ZNF277: variants seen among roughly 807,000 people sequenced by gnomAD.
ZNF277 encodes zinc finger protein 277, also known as nuclear receptor-interacting factor 4.
A neutral mutation model predicts 60.7 loss-of-function variants in ZNF277; 55 were observed. That is an observed-to-expected ratio of 0.91 (90% CI 0.73 to 1.13). ZNF277 has a LOEUF of 1.13. ZNF277 is among the 50% of genes most tolerant of loss of function. ZNF277 has a pLI of 0.00. For missense variants in ZNF277, 510 were observed against 523.0 expected (o/e 0.98, Z 0.24); for synonymous variants, 178 against 179.3 (o/e 0.99, Z 0.06).
intron 2 of ZNF277, chr7:112,288,708 T>TC (rs1792128277): frequency 6.3e-6 from 1 of 158,438 alleles, no homozygotes; most frequent in Non-Finnish European, 1.5e-5. Flanking sequence ...TAAGTGGCTG[T>TC]CCCCTTCCTC....
intron 1 of ZNF277, among the ~76,000 whole-genome samples, chr7:112,253,593 A>G (rs1405973738): frequency 6.6e-6 from 1 of 152,028 alleles, no homozygotes; most frequent in African/African-American, 2.4e-5. Flanking sequence ...TCTGTCCCCC[A>G]TATCCAGTTG....
chr7:112,250,623 G>A (rs1791183603), intron 1 of ZNF277, among the ~76,000 whole-genome samples: 2 of 152,066 alleles, frequency 1.3e-5, no homozygotes, highest in Non-Finnish European at 2.9e-5. Flanking sequence ...GCTGGCCAAC[G>A]CTTCAGGAAA....
At chr7:112,251,306 G>T (rs1791195348) in intron 1 of ZNF277, among the ~76,000 whole-genome samples, 1 of 152,166 alleles carries the variant, frequency 6.6e-6, no homozygotes, top group African/African-American at 2.4e-5. Context: ...GGCACAGATG[G>T]CACACTGAAG....
intron 6 of ZNF277, among the ~76,000 whole-genome samples, chr7:112,328,826 C>T (rs1030555742): frequency 6.6e-6 from 1 of 152,090 alleles, no homozygotes; most frequent in East Asian, 1.9e-4. Flanking sequence ...GCAGAGATTG[C>T]ACCATTGCAC....
chr7:112,296,494 C>T (rs544425225), intron 4 of ZNF277, among the ~76,000 whole-genome samples, 183 bp downstream of exon 4: 2 of 151,082 alleles, frequency 1.3e-5, no homozygotes, highest in African/African-American at 4.9e-5. Flanking sequence ...AAAATTAAAG[C>T]GTTTTATGTT....
intron 4 of ZNF277, among the ~76,000 whole-genome samples, chr7:112,310,816 C>G (rs1792714109): frequency 6.6e-6 from 1 of 152,046 alleles, no homozygotes; most frequent in African/African-American, 2.4e-5. Flanking sequence ...TTCTGCCATG[C>G]TGCTGCCTTT....
chr7:112,294,103 G>A (rs1792272116), intron 2 of ZNF277, among the ~76,000 whole-genome samples: 1 of 152,204 alleles, frequency 6.6e-6, no homozygotes, highest in South Asian at 2.1e-4. Context: ...AATAGAAAAT[G>A]TGCTTGGGGG....
intron 5 of ZNF277, among the ~76,000 whole-genome samples, chr7:112,326,915 T>A (rs1261846781): frequency 4.6e-5 from 7 of 152,226 alleles, no homozygotes; most frequent in Admixed American, 4.6e-4. Context: ...ATATGCTTTT[T>A]TGCTATGTAA....
At chr7:112,307,430 G>GT (rs764724842) in intron 4 of ZNF277, among the ~76,000 whole-genome samples, 49 of 151,420 alleles carry the variant, frequency 3.2e-4, no homozygotes, top group Non-Finnish European at 5.8e-4. Context: ...TTTTTTGTTT[G>GT]TTTTTGAGAC....
chr7:112,326,836 C>T (rs1308295595), intron 5 of ZNF277, among the ~76,000 whole-genome samples: 1 of 152,128 alleles, frequency 6.6e-6, no homozygotes, highest in Non-Finnish European at 1.5e-5. Flanking sequence ...TGATGAGGCT[C>T]TCCAAAACAA....
chr7:112,280,611 T>C (rs970750923), intron 1 of ZNF277, among the ~76,000 whole-genome samples: 4 of 151,896 alleles, frequency 2.6e-5, no homozygotes, highest in Admixed American at 2.6e-4. Flanking sequence ...CAGAGGATTA[T>C]ATATTTCTGT....
intron 4 of ZNF277, among the ~76,000 whole-genome samples, chr7:112,303,530 C>A (rs1020345210): frequency 1.7e-4 from 26 of 151,982 alleles, no homozygotes; most frequent in African/African-American, 6.3e-4. Flanking sequence ...TCATGCCATG[C>A]TGATAGCTTT....
intron 1 of ZNF277, among the ~76,000 whole-genome samples, chr7:112,243,087 C>T (rs1004174093): frequency 3.9e-5 from 6 of 151,928 alleles, no homozygotes; most frequent in African/African-American, 4.8e-5. Flanking sequence ...ACACCCTATT[C>T]GATCTATGGT....
intron 2 of ZNF277, among the ~76,000 whole-genome samples, chr7:112,293,343 A>C (rs528900322): frequency 2.0e-5 from 3 of 152,238 alleles, no homozygotes; most frequent in Admixed American, 6.5e-5. Flanking sequence ...TTGGGAGTCC[A>C]AGACGGGCAG....
chr7:112,265,201 T>C (rs990476275), intron 1 of ZNF277, among the ~76,000 whole-genome samples: 3 of 152,186 alleles, frequency 2.0e-5, no homozygotes, highest in Non-Finnish European at 2.9e-5. Context: ...GGCTTTCCAC[T>C]TGCCTTTCCA....
intron 1 of ZNF277, among the ~76,000 whole-genome samples, chr7:112,220,692 C>T (rs552125699): frequency 1.8e-4 from 28 of 152,312 alleles, no homozygotes; most frequent in Admixed American, 7.8e-4. Context: ...CTAAGAATCC[C>T]TAAGCCTAGC....
chr7:112,216,590 C>T (rs1455029573), intron 1 of ZNF277, among the ~76,000 whole-genome samples: 1 of 152,150 alleles, frequency 6.6e-6, no homozygotes, highest in Non-Finnish European at 1.5e-5. Flanking sequence ...ATTTTAATCC[C>T]ACTTCTCCTT....
chr7:112,277,231 G>C (rs923177850), intron 1 of ZNF277, among the ~76,000 whole-genome samples: 1 of 151,736 alleles, frequency 6.6e-6, no homozygotes, highest in Non-Finnish European at 1.5e-5. Flanking sequence ...CTACAGGCGC[G>C]TGCCACCAGC....
chr7:112,277,476 C>T (rs1366201035), intron 1 of ZNF277, among the ~76,000 whole-genome samples: 1 of 152,132 alleles, frequency 6.6e-6, no homozygotes, highest in Non-Finnish European at 1.5e-5. Context: ...TTCCCGAAAC[C>T]CCAGTCTCTC....
Sources: allele counts gnomAD v4.1 joint callset (sites outside exome capture counted in the v4.1 genomes callset), GRCh38; gene constraint gnomAD v4.1.1; transcripts MANE v1.5; gene names NCBI Gene and HGNC (gene_info 2026-07-23, HGNC 2026-07-21).